PCDHA1: variants seen among roughly 807,000 people sequenced by gnomAD.
The protein encoded by PCDHA1 is protocadherin alpha 1.
Under a neutral mutation model 61.3 loss-of-function variants are expected in PCDHA1, and 42 were observed. The ratio of observed to expected loss-of-function variants is 0.69; its 90% confidence interval spans 0.54 to 0.89. The LOEUF (loss-of-function observed/expected upper bound fraction) is 0.89. Ranked by LOEUF, PCDHA1 falls within the 40% of genes least tolerant of loss-of-function variation. PCDHA1 has a pLI of 0.00. For missense variants in PCDHA1, 1,256 were observed against 1,235.3 expected (o/e 1.02, Z -0.25); for synonymous variants, 610 against 553.8 (o/e 1.10, Z -1.43).
chr5:140,884,083 G>A, intron 1 of PCDHA1: 1 of 1,613,596 alleles, frequency 6.2e-7, no homozygotes. Context: ...GCTACAATGC[G>A]TGGCTTTCGT....
chr5:140,921,440 G>C (rs1026829665), intron 1 of PCDHA1, among the ~76,000 whole-genome samples: 1 of 152,056 alleles, frequency 6.6e-6, no homozygotes, highest in South Asian at 2.1e-4. Flanking sequence ...CTTCAATGGT[G>C]TCTGAAAAGG....
intron 1 of PCDHA1, chr5:140,828,454 G>A (rs146288766): frequency 6.2e-7 from 1 of 1,614,124 alleles, no homozygotes; most frequent in African/African-American, 1.3e-5. Context: ...ATGTGGACGT[G>A]GAGGTGAGGG....
intron 1 of PCDHA1, among the ~76,000 whole-genome samples, chr5:140,918,605 G>T (rs2078775246): frequency 6.6e-6 from 1 of 152,198 alleles, no homozygotes; most frequent in Non-Finnish European, 1.5e-5. Flanking sequence ...ATGTTGCTAT[G>T]ATATGAATGT....
At chr5:140,806,147 G>A (rs952138132) in intron 1 of PCDHA1, among the ~76,000 whole-genome samples, 1 of 152,170 alleles carries the variant, frequency 6.6e-6, no homozygotes, top group African/African-American at 2.4e-5. Context: ...GAAGTTTTAA[G>A]TGGTTATAAA....
Position 140,916,977 on chromosome 5 carries a change from T to A in PCDHA1, c.2395-61972T>A, listed in dbSNP as rs569550595. Among the ~76,000 whole-genome samples the A allele has an allele frequency of 2.6e-5, 4 of 152,302 alleles. No individual in the cohort carries two copies. In the South Asian group the frequency reaches 8.3e-4, roughly 32 times the overall value. On this transcript the variant is annotated intron_variant, in intron 1 of 3. Transcript: ENST00000504120. ...AGTTCTGACTGCTGGGATGAGTGAT[T>A]CGCCTCTGGCCAGGCCTGTTCCAAA...
chr5:140,884,454 A>G, intron 1 of PCDHA1: 2 of 1,613,688 alleles, frequency 1.2e-6, no homozygotes, highest in Non-Finnish European at 1.7e-6. Flanking sequence ...CCGCCCACCG[A>G]GGGCGCGTGC....
At chr5:140,805,695 C>G (rs1554123442) in intron 1 of PCDHA1, 1 of 651,456 alleles carries the variant, frequency 1.5e-6, no homozygotes, top group African/African-American at 2.0e-5. Flanking sequence ...TCATGATTAC[C>G]AAGAATTAGA....
At chr5:140,869,419 C>T (rs782550413) in intron 1 of PCDHA1, 4 of 1,614,078 alleles carry the variant, frequency 2.5e-6, no homozygotes, top group Non-Finnish European at 3.4e-6. Context: ...CAGCATCCAC[C>T]TGGAGGTGAT....
At chr5:140,963,705 C>T (rs1351751729) in intron 1 of PCDHA1, among the ~76,000 whole-genome samples, 1 of 152,130 alleles carries the variant, frequency 6.6e-6, no homozygotes, top group Non-Finnish European at 1.5e-5. Flanking sequence ...ATCTAAAGGG[C>T]CATGCTACAT....
chr5:140,951,141 T>G (rs2094552248), intron 1 of PCDHA1, among the ~76,000 whole-genome samples: 1 of 100,612 alleles, frequency 9.9e-6, no homozygotes, highest in Non-Finnish European at 2.0e-5. Context: ...TTCCTTTATC[T>G]TATTGAATAT....
intron 1 of PCDHA1, among the ~76,000 whole-genome samples, chr5:140,890,847 C>A (rs2062829860): frequency 1.3e-5 from 2 of 152,148 alleles, no homozygotes. Flanking sequence ...AGTTTTGTTT[C>A]TCTTCCTTAC....
intron 1 of PCDHA1, chr5:140,834,180 C>T: frequency 1.8e-6 from 1 of 562,966 alleles, no homozygotes; most frequent in East Asian, 2.8e-5. Context: ...ATGATGGCCA[C>T]ATGATGTCGC....
intron 1 of PCDHA1, chr5:140,825,411 A>C (rs1439734521): frequency 6.8e-6 from 1 of 146,452 alleles, no homozygotes; most frequent in Non-Finnish European, 1.5e-5. Flanking sequence ...TATATATTTT[A>C]TATAATATAT....
chr5:141,002,189 C>T (rs1277871243), intron 3 of PCDHA1, among the ~76,000 whole-genome samples: 4 of 152,220 alleles, frequency 2.6e-5, no homozygotes, highest in African/African-American at 9.6e-5. Flanking sequence ...TGCTGTCTGG[C>T]AAGATAGTCC....
intron 1 of PCDHA1, chr5:140,822,913 G>A (rs2150120291): frequency 6.2e-7 from 1 of 1,614,254 alleles, no homozygotes; most frequent in Non-Finnish European, 8.5e-7. Context: ...TGACTCAGGT[G>A]CCAACGGGCA....
chr5:140,861,492 C>T (rs367687867), intron 1 of PCDHA1: 11 of 487,014 alleles, frequency 2.3e-5, no homozygotes, highest in Middle Eastern at 7.2e-4. Flanking sequence ...TGTGAGTTCT[C>T]TGATAGACCT....
chr5:140,794,715 A>G (rs1761875472), intron 1 of PCDHA1: 1 of 465,342 alleles, frequency 2.1e-6, no homozygotes, highest in South Asian at 5.2e-5. Flanking sequence ...GATGAAAGCT[A>G]TGAGTAAACT....
intron 1 of PCDHA1, among the ~76,000 whole-genome samples, chr5:140,879,496 C>T (rs186624809): frequency 6.6e-6 from 1 of 152,204 alleles, no homozygotes; most frequent in Admixed American, 6.5e-5. Context: ...GGGTCTGGAT[C>T]TCAGAAGAGA....
chr5:140,827,967 C>A (rs1278523381), intron 1 of PCDHA1: 2 of 1,351,286 alleles, frequency 1.5e-6, no homozygotes, highest in African/African-American at 2.9e-5. Flanking sequence ...TCTATTACTG[C>A]ATCATTCCCT....
Sources: allele counts gnomAD v4.1 joint callset (sites outside exome capture counted in the v4.1 genomes callset), GRCh38; gene constraint gnomAD v4.1.1; transcripts MANE v1.5; gene names NCBI Gene and HGNC (gene_info 2026-07-23, HGNC 2026-07-21).